Variants in LRIT1 observed in about 807,000 individuals in gnomAD.
LRIT1 encodes the protein leucine rich repeat, Ig-like and transmembrane domains 1.
LRIT1 carries 23 observed loss-of-function variants against 24.0 expected under a neutral mutation model. The observed-to-expected ratio is 0.96, with a 90% confidence interval of 0.69 to 1.36. The LOEUF (loss-of-function observed/expected upper bound fraction) is 1.36. LRIT1 is among the 40% of genes most tolerant of loss of function. The pLI is 0.00. For synonymous variants in LRIT1, 361 were observed against 340.5 expected (o/e 1.06, Z -0.66); for missense variants, 846 against 806.3 (o/e 1.05, Z -0.60).
Position 84,231,801 on chromosome 10 carries a change from T to C in LRIT1, c.*126A>G, listed in dbSNP as rs1842598483. 1 of 1,006,934 alleles carries C rather than the reference T, an allele frequency of 9.9e-7. No individual in the cohort carries two copies. Among genetic ancestry groups the C allele is most frequent in the Non-Finnish European group, 1.4e-6 (1 of 701,072 alleles). 62.4% of individuals were successfully genotyped at this position (1,006,934 alleles called of 1,614,324 possible). A position where few individuals can be genotyped will look rare whatever the true frequency, so the allele number is the denominator to read the frequency against. ...TTGCAGTAGCAGCTGCTGCTGCTGT[T>C]GTTGTGTGTAAGTATCTGAGTAAGC... On this transcript the variant is annotated 3_prime_UTR_variant, in exon 4 of 4. Transcript: ENST00000372105.
At position 84,231,631 on chromosome 10, in the gene LRIT1, C is replaced by G. The variant is rs1238124882; in HGVS notation, c.*296G>C. 1 of 400,516 alleles carries G rather than the reference C, an allele frequency of 2.5e-6. No individual in the cohort carries two copies. Among genetic ancestry groups the G allele is most frequent in the Admixed American group, 4.1e-5 (1 of 24,684 alleles). The allele number at this position is 400,516 out of a possible 1,614,324, so 24.8% of individuals were successfully genotyped here. The stretch of plus-strand genomic sequence containing the variant: ...GCTTTCATTTGTTATACAGCAAAAG[C>G]TGACTGATACAGGCAAGTTTCTTAA... On this transcript the variant is annotated 3_prime_UTR_variant, in exon 4 of 4. Coordinates refer to ENST00000372105, the MANE Select transcript of LRIT1 (RefSeq NM_015613.3).
chr10:84,238,101 C>G (rs543848654), intron 1 of LRIT1, among the ~76,000 whole-genome samples: 81 of 152,174 alleles, frequency 5.3e-4, no homozygotes, highest in Non-Finnish European at 7.6e-4. Context: ...CGCCTGTAAT[C>G]CCAGCACTTT....
chr10:84,240,952 AAAG>A lies in LRIT1; in HGVS notation c.122+363_122+365del, dbSNP rs1390259480. 2.6e-5 allele frequency among the ~76,000 whole-genome samples: 4 copies of A among 152,102 alleles called. 1 individual carries two copies. The highest frequency in any genetic ancestry group is 2.6e-4 in the Admixed American group (4 of 15,272). ...AAAGAAGGGGCTGGGGAAATATAGA[AAAG>A]AAGAGGGAATAGAAAAAATAAAAGA... On this transcript the variant is annotated intron_variant, in intron 1 of 3. Transcript: ENST00000372105.
At chr10:84,233,002 G>C in intron 3 of LRIT1, 99 bp from the exon 4 acceptor site, 1 of 1,324,570 alleles carries the variant, frequency 7.5e-7, no homozygotes, top group Non-Finnish European at 1.0e-6. Context: ...TACACACTCA[G>C]GTGTCATCGT....
chr10:84,240,960 G>A (rs1391015757), intron 1 of LRIT1, among the ~76,000 whole-genome samples: 1 of 151,952 alleles, frequency 6.6e-6, no homozygotes, highest in African/African-American at 2.4e-5. Context: ...GAAAAGAAGA[G>A]GGAATAGAAA....
chr10:84,241,499 G>GACCCAGCAA lies in LRIT1; in HGVS notation c.-61_-60insTTGCTGGGT. ...TGTCCCTGGACCGCTCCGTCCCACCGGCCCAGCAAGCTCAGCAGCTGCCCA... is the reference window on the plus strand; with the variant it reads ...TGTCCCTGGACCGCTCCGTCCCACCGACCCAGCAAGCCCAGCAAGCTCAGCAGCTGCCCA... On this transcript the variant is annotated 5_prime_UTR_variant, in exon 1 of 4. Transcript: ENST00000372105. The GACCCAGCAA allele has an allele frequency of 7.0e-7, 1 of 1,421,114 alleles. No homozygotes were observed. Among genetic ancestry groups the GACCCAGCAA allele is most frequent in the Non-Finnish European group, 9.2e-7 (1 of 1,087,976 alleles). The allele number at this position is 1,421,114 out of a possible 1,614,324, so 88.0% of individuals were successfully genotyped here. A position where few individuals can be genotyped will look rare whatever the true frequency, so the allele number is the denominator to read the frequency against.
Position 84,232,921 on chromosome 10 carries a change from A to ATG in LRIT1, c.896-20_896-19dup. 12 of 1,601,734 alleles carry ATG rather than the reference A, an allele frequency of 7.5e-6. No homozygotes were observed. The highest frequency in any genetic ancestry group is 1.0e-5 in the Non-Finnish European group (12 of 1,177,230). ...CTGGTGCACTAGGAGGAAAACAGGC[A>ATG]TGTGTGGGAGAACGAATGGGCCCAT... On this transcript the variant is annotated intron_variant, in intron 3 of 3. Transcript: ENST00000372105.
chr10:84,238,795 C>G (rs373682874), intron 1 of LRIT1, among the ~76,000 whole-genome samples: 18 of 152,318 alleles, frequency 1.2e-4, no homozygotes, highest in African/African-American at 4.1e-4. Context: ...TCTACCCAAA[C>G]CACGACTTCT....
Position 84,237,566 on chromosome 10 carries a change from GGGCCTGAA to G in LRIT1, c.235_242del (p.Phe79ProfsTer68). On this transcript the variant is annotated frameshift_variant, in exon 2 of 4. Transcript: ENST00000372105. LOFTEE classifies it high-confidence loss of function. ...GCCACAGCTGCTCCAGGCGGCCCAG[GGGCCTGAA>G]GGCCTCGCCAGGAACCCTGCGTATG... The G allele has an allele frequency of 6.2e-7, 1 of 1,606,322 alleles. No homozygotes were observed. The highest frequency in any genetic ancestry group is 2.2e-5 in the East Asian group (1 of 44,860).
In LRIT1 at chr10:84,233,347, T is replaced by TATA. The variant is rs533588139; in HGVS notation, c.896-445_896-444insTAT. On this transcript the variant is annotated intron_variant, in intron 3 of 3. Transcript: ENST00000372105. The stretch of plus-strand genomic sequence containing the variant: ...CCAAGCCTAGGAATATATATATATA[T>TATA]TTTTTTTTGCGACAAGGTCTCACTA... 3.5e-3 allele frequency among the ~76,000 whole-genome samples: 320 copies of TATA among 92,344 alleles called. 1 individual carries two copies. The highest frequency in any genetic ancestry group is 6.6e-3 in the Non-Finnish European group (247 of 37,216). The allele number at this position is 92,344 out of a possible 152,430, so 60.6% of individuals were successfully genotyped here.
In LRIT1 at chr10:84,232,770, C is replaced by T; in HGVS notation, c.1029G>A (p.Leu343=). The change falls in exon 4 of 4, where the codon TTG becomes TTA. Residue 343 remains leucine, a synonymous_variant. Coordinates refer to ENST00000372105, the MANE Select transcript of LRIT1 (RefSeq NM_015613.3). ...TGGAAGTCGGTGGCTCAGTGACAAT[C>T]AAGGAGATAACAGTTTCAGAGGCTC... ...FLGASETVIS[L]IVTEPPTSTE... 6.2e-7 allele frequency: 1 copy of T among 1,613,994 alleles called. No homozygotes were observed. Among genetic ancestry groups the T allele is most frequent in the Non-Finnish European group, 8.5e-7 (1 of 1,180,018 alleles).
rs772221892 is a variant in LRIT1 at position 84,237,615 on chromosome 10, C to A, written c.194G>T (p.Arg65Leu). The change falls in exon 2 of 4, where the codon CGC becomes CTC. Residue 65 changes from arginine to leucine, a missense_variant. Transcript: ENST00000372105. The part of the protein sequence containing the change: ...ASIPPDTSRL[R>L]LERTAIRRVP... ...CCTGCGTATGGCCGTCCGCTCCAGG[C>A]GCAGTCTGGAGGTGTCCGGGGGGAT... is the stretch of plus-strand genomic sequence containing the variant. 3 of 1,606,832 alleles carry A rather than the reference C, an allele frequency of 1.9e-6. No homozygotes were observed. The highest frequency in any genetic ancestry group is 1.7e-5 in the Admixed American group (1 of 59,980).
intron 1 of LRIT1, among the ~76,000 whole-genome samples, chr10:84,238,826 T>C (rs1367917291): frequency 1.3e-5 from 2 of 152,184 alleles, no homozygotes; most frequent in Admixed American, 1.3e-4. Context: ...TCCATTAAGT[T>C]TGAGACTAAA....
Position 84,237,233 on chromosome 10 carries a change from G to T in LRIT1, c.576C>A (p.Pro192=), listed in dbSNP as rs559535361. The change falls in exon 2 of 4, where the codon CCC becomes CCA. Residue 192 remains proline, a synonymous_variant. Transcript: ENST00000372105. ...ETGIFPPGHH[P]RRVLGLQDNP... is the part of the protein sequence containing the mutation. ...GCCGACCCTTACCTAGGACCCGCCT[G>T]GGGTGGTGGCCGGGAGGAAAGATAC... 260 of 1,550,112 alleles carry T rather than the reference G, an allele frequency of 1.7e-4. No individual in the cohort carries two copies. The highest frequency in any genetic ancestry group is 2.2e-4 in the Non-Finnish European group (251 of 1,146,782).
In LRIT1 at chr10:84,232,352, C is replaced by T. The variant is rs138374131; in HGVS notation, c.1447G>A (p.Val483Met). The T allele has an allele frequency of 2.0e-5, 33 of 1,613,948 alleles. No homozygotes were observed. In the African/African-American group the frequency reaches 3.1e-4, roughly 15 times the overall value. ...RVIVQPGKTRVTITGLLPKTK... is the reference protein window; with the variant it reads ...RVIVQPGKTRMTITGLLPKTK... ...TTGGGCAACAGCCCAGTGATGGTCACTCTGGTCTTCCCAGGCTGCACAATC... is the reference window on the plus strand; with the variant it reads ...TTGGGCAACAGCCCAGTGATGGTCATTCTGGTCTTCCCAGGCTGCACAATC... Residue 483 changes from valine (V) to methionine (M), a missense_variant, in exon 4 of 4, where the codon GTG becomes ATG. Coordinates refer to ENST00000372105, the MANE Select transcript of LRIT1 (RefSeq NM_015613.3).
chr10:84,234,459 GACAGGCA>G, intron 2 of LRIT1, 81 bp from the exon 3 acceptor site: 4 of 1,159,288 alleles, frequency 3.5e-6, no homozygotes, highest in Non-Finnish European at 4.8e-6. Flanking sequence ...CCTCTGGAAG[GACAGGCA>G]GGTCCTCATT....
chr10:84,234,407 T>C lies in LRIT1; in HGVS notation c.590-29A>G, dbSNP rs373902650. The C allele has an allele frequency of 1.4e-5, 21 of 1,489,860 alleles. No homozygotes were observed. In the African/African-American group the frequency reaches 2.0e-4, roughly 14 times the overall value. The allele number at this position is 1,489,860 out of a possible 1,614,324, so 92.3% of individuals were successfully genotyped here. On this transcript the variant is annotated intron_variant, in intron 2 of 3. Transcript: ENST00000372105. Reference sequence around the variant, plus strand: ...CAGGAGTAAAAAAGAAGACAAGATATTCAGATAGATACTCAACGTCCTCAG... The same window carrying C: ...CAGGAGTAAAAAAGAAGACAAGATACTCAGATAGATACTCAACGTCCTCAG...
At position 84,241,386 on chromosome 10, in the gene LRIT1, C is replaced by A. The variant is rs1446258547; in HGVS notation, c.54G>T (p.Gln18His). The A allele has an allele frequency of 1.4e-5, 22 of 1,611,902 alleles. No homozygotes were observed. The highest frequency in any genetic ancestry group is 1.9e-5 in the Non-Finnish European group (22 of 1,179,104). ...LWLLALAWPP[Q>H]ARGFCPSQCS... ...ATTGAGAGGGGCAGAAGCCCCGGGC[C>A]TGGGGGGGCCACGCAAGGGCCAAGA... Residue 18 changes from glutamine (Q) to histidine (H), a missense_variant, in exon 1 of 4, where the codon CAG becomes CAT. Transcript: ENST00000372105.
chr10:84,236,991 C>T (rs1842653582), intron 2 of LRIT1, among the ~76,000 whole-genome samples: 1 of 152,090 alleles, frequency 6.6e-6, no homozygotes, highest in Non-Finnish European at 1.5e-5. Context: ...AATTGAGTCT[C>T]AGGGGCCTTC....
Sources: gnomAD v4.1 joint callset for allele counts (sites outside exome capture counted in the v4.1 genomes callset) on GRCh38, gnomAD v4.1.1 for gene constraint, MANE v1.5 for transcripts, NCBI Gene and HGNC (gene_info 2026-07-23, HGNC 2026-07-21) for gene names.